MID1: variants seen among roughly 807,000 people sequenced by gnomAD.
MID1 encodes the protein E3 ubiquitin-protein ligase Midline-1.
Under a neutral mutation model 40.4 loss-of-function variants are expected in MID1, and 7 were observed. The observed-to-expected ratio is 0.17, with a 90% confidence interval of 0.10 to 0.33. The LOEUF (loss-of-function observed/expected upper bound fraction) is 0.33. MID1 is among the 10% of genes least tolerant of loss of function. MID1 has a pLI of 1.00. For missense variants in MID1, 367 were observed against 558.5 expected (o/e 0.66, Z 3.46); for synonymous variants, 229 against 221.2 (o/e 1.04, Z -0.31).
At chrX:10,536,688 C>A (rs1378197657) in intron 2 of MID1, among the ~76,000 whole-genome samples, 2 of 112,208 alleles carry the variant, frequency 1.8e-5, no homozygotes, top group Admixed American at 9.5e-5. Flanking sequence ...CAAAATGTAG[C>A]TTGGCCCAAC....
intron 1 of MID1, among the ~76,000 whole-genome samples, chrX:10,595,127 G>A (rs1428227796): frequency 8.9e-6 from 1 of 111,735 alleles, no homozygotes; most frequent in African/African-American, 3.3e-5. Flanking sequence ...CAGAGTTAAA[G>A]CATCTTCTCC....
intron 1 of MID1, among the ~76,000 whole-genome samples, chrX:10,606,619 T>C (rs1935629639): frequency 8.9e-6 from 1 of 112,492 alleles, no homozygotes; most frequent in Non-Finnish European, 1.9e-5. Flanking sequence ...TATTAAATTT[T>C]GTATCTGTTA....
At chrX:10,786,484 T>C (rs2043884358) in intron 1 of MID1, among the ~76,000 whole-genome samples, 2 of 111,294 alleles carry the variant, frequency 1.8e-5, no homozygotes, top group African/African-American at 3.3e-5. Flanking sequence ...ACCCAAAGGA[T>C]TATAAATCAT....
chrX:10,549,350 T>A (rs1933820525), intron 2 of MID1, among the ~76,000 whole-genome samples: 1 of 113,219 alleles, frequency 8.8e-6, no homozygotes, highest in South Asian at 3.6e-4. Flanking sequence ...TTGTTGAAGG[T>A]TAGTCTATCT....
chrX:10,558,034 T>C (rs1174318341), intron 2 of MID1, among the ~76,000 whole-genome samples: 1 of 108,009 alleles, frequency 9.3e-6, no homozygotes, highest in Non-Finnish European at 1.9e-5. Flanking sequence ...ATGAAATTTA[T>C]TTCAGAAAAT....
At chrX:10,648,649 A>G (rs138982494) in intron 1 of MID1, among the ~76,000 whole-genome samples, 1 of 111,892 alleles carries the variant, frequency 8.9e-6, no homozygotes, top group East Asian at 2.8e-4. Context: ...ATTTTGCATT[A>G]GAAAGTGTGG....
chrX:10,715,673 T>C (rs1473022579), intron 1 of MID1, among the ~76,000 whole-genome samples: 1 of 112,029 alleles, frequency 8.9e-6, no homozygotes, highest in Non-Finnish European at 1.9e-5. Flanking sequence ...TAAATGTCCC[T>C]GTCTGACAGC....
intron 1 of MID1, among the ~76,000 whole-genome samples, chrX:10,802,036 G>T (rs760117160): frequency 2.7e-5 from 3 of 110,564 alleles, no homozygotes; most frequent in Non-Finnish European, 3.8e-5. Context: ...CAAAAAATTA[G>T]CCAGGCATGG....
At chrX:10,734,459 G>T (rs2043473987) in intron 1 of MID1, among the ~76,000 whole-genome samples, 1 of 109,732 alleles carries the variant, frequency 9.1e-6, no homozygotes, top group African/African-American at 3.3e-5. Flanking sequence ...TTAATACCTG[G>T]GTGATGAAAT....
Position 10,459,755 on chromosome X carries a change from G to A in MID1, c.1338C>T (p.Asn446=), listed in dbSNP as rs1345953769. ...SWMIVPNIKQ[N]HYTVHGLQSG... ...TCTGCAGACCGTGCACCGTGTAGTG[G>A]TTCTGCTTGATGTTGGGTACTATCA... Residue 446 remains asparagine (N), a synonymous_variant, in exon 8 of 10, where the codon AAC becomes AAT. Transcript: ENST00000317552. The A allele has an allele frequency of 8.3e-7, 1 of 1,210,873 alleles. No individual in the cohort carries two copies. Among genetic ancestry groups the A allele is most frequent in the Non-Finnish European group, 1.1e-6 (1 of 895,001 alleles).
intron 1 of MID1, among the ~76,000 whole-genome samples, chrX:10,753,525 G>A (rs1011143518): frequency 6.4e-5 from 7 of 109,372 alleles, no homozygotes; most frequent in African/African-American, 2.3e-4. Flanking sequence ...AGGTGATTCT[G>A]TTTTCAAGGA....
intron 1 of MID1, among the ~76,000 whole-genome samples, chrX:10,833,302 G>C (rs1317201265): frequency 8.9e-6 from 1 of 112,038 alleles, no homozygotes; most frequent in East Asian, 2.8e-4. Context: ...CATCACGACA[G>C]TATAGAAACG....
chrX:10,662,619 C>T (rs1377038922), intron 1 of MID1, among the ~76,000 whole-genome samples: 1 of 111,787 alleles, frequency 8.9e-6, no homozygotes, highest in Non-Finnish European at 1.9e-5. Flanking sequence ...TCAATATTAA[C>T]ATATTCAATA....
At chrX:10,804,244 A>G (rs1219465688) in intron 1 of MID1, among the ~76,000 whole-genome samples, 1 of 112,513 alleles carries the variant, frequency 8.9e-6, no homozygotes, top group Non-Finnish European at 1.9e-5. Flanking sequence ...TCTCAGTCTG[A>G]TAATTTCAAA....
At chrX:10,520,529 C>T (rs1419620382) in intron 3 of MID1, among the ~76,000 whole-genome samples, 3 of 112,047 alleles carry the variant, frequency 2.7e-5, no homozygotes, top group Non-Finnish European at 5.6e-5. Flanking sequence ...ACATAGGAGG[C>T]TATAAACTTA....
At chrX:10,810,509 C>G (rs752701175) in intron 1 of MID1, among the ~76,000 whole-genome samples, 1 of 111,939 alleles carries the variant, frequency 8.9e-6, no homozygotes, top group Non-Finnish European at 1.9e-5. Flanking sequence ...TGAGTCCCTG[C>G]TCCCTGCTTT....
intron 1 of MID1, among the ~76,000 whole-genome samples, chrX:10,810,136 A>C (rs1602591474): frequency 9.0e-6 from 1 of 111,423 alleles, no homozygotes; most frequent in Non-Finnish European, 1.9e-5. Flanking sequence ...GTCATCCCAA[A>C]CAGAAACTGT....
chrX:10,624,789 A>G (rs1337942075), upstream of MID1, among the ~76,000 whole-genome samples: 1 of 110,224 alleles, frequency 9.1e-6, no homozygotes, highest in Non-Finnish European at 1.9e-5. Flanking sequence ...ATTTTTTACT[A>G]ATTTGTAGAG....
intron 1 of MID1, among the ~76,000 whole-genome samples, chrX:10,630,875 G>A (rs1936046053): frequency 9.0e-6 from 1 of 110,738 alleles, no homozygotes; most frequent in African/African-American, 3.3e-5. Flanking sequence ...GAGCAGAAAC[G>A]AGGTTTCCAG....
Sources: allele counts gnomAD v4.1 joint callset (sites outside exome capture counted in the v4.1 genomes callset), GRCh38; gene constraint gnomAD v4.1.1; transcripts MANE v1.5; gene names NCBI Gene and HGNC (gene_info 2026-07-23, HGNC 2026-07-21).